Variants in WAPL observed in about 807,000 individuals in gnomAD.
WAPL encodes WAPL cohesin release factor.
In WAPL, 5 loss-of-function variants were observed where a neutral mutation model predicts 121.0. The ratio of observed to expected loss-of-function variants is 0.04; its 90% CI spans 0.02 to 0.09. WAPL has a LOEUF of 0.09. Among genes scored for constraint, WAPL ranks in the 10% least tolerant of loss-of-function variants. The pLI, the probability that WAPL is intolerant of heterozygous loss-of-function variation, is 1.00. For missense variants in WAPL, 999 were observed against 1,410.8 expected (o/e 0.71, Z 4.68); for synonymous variants, 480 against 481.5 (o/e 1.00, Z 0.04).
At chr10:86,499,459 T>C (rs560179718) in intron 3 of WAPL, among the ~76,000 whole-genome samples, 1 of 152,322 alleles carries the variant, frequency 6.6e-6, no homozygotes, top group East Asian at 1.9e-4. Context: ...GTATATACTA[T>C]GTTTTTTCGT....
chr10:86,507,486 C>T (rs965467101), intron 2 of WAPL, among the ~76,000 whole-genome samples: 2 of 151,352 alleles, frequency 1.3e-5, no homozygotes, highest in African/African-American at 4.9e-5. Context: ...ATTCACTGTT[C>T]ATGTATTTAA....
chr10:86,485,426 A>C (rs1222545006), intron 4 of WAPL, among the ~76,000 whole-genome samples: 7 of 152,036 alleles, frequency 4.6e-5, no homozygotes, highest in African/African-American at 1.7e-4. Flanking sequence ...AGTCCCAGCT[A>C]CTCAAGAGGC....
chr10:86,481,243 C>A (rs1841776415), intron 4 of WAPL, among the ~76,000 whole-genome samples: 1 of 152,020 alleles, frequency 6.6e-6, no homozygotes, highest in African/African-American at 2.4e-5. Context: ...TAAAACCAAT[C>A]TTTAGAATTA....
At chr10:86,505,154 T>C (rs1589536128) in intron 2 of WAPL, among the ~76,000 whole-genome samples, 1 of 148,346 alleles carries the variant, frequency 6.7e-6, no homozygotes, top group Non-Finnish European at 1.5e-5. Context: ...CTAAAAGCTG[T>C]AGAGTTTTTT....
chr10:86,486,825 G>A lies in WAPL; in HGVS notation c.1644+10376C>T, dbSNP rs149552589. On this transcript the variant is annotated intron_variant, in intron 4 of 18. Transcript: ENST00000298767. Reference sequence around the variant, plus strand: ...CAAAAAATTAGCTGGACGCAGTGGCGTGTGCCTATAGTCCCAGCTACCCTA... The same window carrying A: ...CAAAAAATTAGCTGGACGCAGTGGCATGTGCCTATAGTCCCAGCTACCCTA... 5.0e-3 allele frequency among the ~76,000 whole-genome samples: 756 copies of A among 152,126 alleles called. 7 individuals carry two copies. The highest frequency in any genetic ancestry group is 0.017 in the African/African-American group (695 of 41,516).
chr10:86,447,452 G>A (rs576160137), intron 15 of WAPL, among the ~76,000 whole-genome samples: 3 of 152,260 alleles, frequency 2.0e-5, no homozygotes, highest in African/African-American at 7.2e-5. Flanking sequence ...AACACAGCAA[G>A]GGCTTTGGAA....
At chr10:86,441,898 A>AGGC (rs968562572) in intron 17 of WAPL, among the ~76,000 whole-genome samples, 18 of 152,352 alleles carry the variant, frequency 1.2e-4, no homozygotes, top group African/African-American at 4.1e-4. Context: ...GACCTCAGTG[A>AGGC]GGCACTGACA....
intron 17 of WAPL, among the ~76,000 whole-genome samples, chr10:86,442,706 A>G (rs1278477557): frequency 2.0e-5 from 3 of 152,236 alleles, no homozygotes; most frequent in Admixed American, 6.5e-5. Flanking sequence ...AGACTGTACT[A>G]AAGTTTTTAC....
intron 2 of WAPL, among the ~76,000 whole-genome samples, chr10:86,515,352 G>A (rs1842535341): frequency 6.6e-6 from 1 of 151,902 alleles, no homozygotes; most frequent in Admixed American, 6.6e-5. Context: ...TGGTTTGACG[G>A]ACAGTAGGTG....
chr10:86,444,880 ATGT>A (rs1425483187), intron 16 of WAPL, among the ~76,000 whole-genome samples: 1 of 98,982 alleles, frequency 1.0e-5, no homozygotes, highest in Admixed American at 1.2e-4. Context: ...AAAACCAAAA[ATGT>A]TATTACGCCA....
chr10:86,494,903 G>GT (rs888425130), intron 4 of WAPL, among the ~76,000 whole-genome samples: 1 of 152,190 alleles, frequency 6.6e-6, no homozygotes, highest in Admixed American at 6.5e-5. Context: ...ACACAACTAC[G>GT]TATCACTGTG....
intron 2 of WAPL, among the ~76,000 whole-genome samples, chr10:86,516,447 A>C (rs575994415): frequency 6.6e-6 from 1 of 152,310 alleles, no homozygotes; most frequent in African/African-American, 2.4e-5. Flanking sequence ...CAGTACAGCC[A>C]AGTTTTGTCT....
At chr10:86,448,630 T>G (rs187198440) in intron 15 of WAPL, among the ~76,000 whole-genome samples, 307 of 152,268 alleles carry the variant, frequency 2.0e-3, no homozygotes, top group Non-Finnish European at 3.7e-3. Flanking sequence ...TTATTTACTT[T>G]TCGGACAGGG....
At chr10:86,467,023 A>G (rs1424576897) in intron 9 of WAPL, 1 of 373,376 alleles carries the variant, frequency 2.7e-6, no homozygotes, top group Non-Finnish European at 4.9e-6. Context: ...TAAAAAATAA[A>G]GAGAAAAGGA....
intron 3 of WAPL, among the ~76,000 whole-genome samples, chr10:86,497,672 T>A (rs1161386164): frequency 6.6e-6 from 1 of 152,206 alleles, no homozygotes; most frequent in East Asian, 1.9e-4. Context: ...AATGGTAAGG[T>A]TTATACACAC....
chr10:86,447,477 A>C (rs1355596606), intron 15 of WAPL, among the ~76,000 whole-genome samples: 2 of 152,216 alleles, frequency 1.3e-5, no homozygotes, highest in Non-Finnish European at 2.9e-5. Context: ...AAAAAGAATG[A>C]ACCACTACTG....
At chr10:86,480,581 T>C (rs1205089482) in intron 4 of WAPL, among the ~76,000 whole-genome samples, 1 of 152,200 alleles carries the variant, frequency 6.6e-6, no homozygotes, top group Non-Finnish European at 1.5e-5. Flanking sequence ...CAAGTTGTAT[T>C]AGAAAGATGA....
At chr10:86,481,603 C>A (rs1450596795) in intron 4 of WAPL, among the ~76,000 whole-genome samples, 2 of 152,050 alleles carry the variant, frequency 1.3e-5, no homozygotes, top group Admixed American at 6.6e-5. Context: ...GAACTCCTGA[C>A]CTTAGGTGAT....
At chr10:86,509,968 G>A (rs1207607789) in intron 2 of WAPL, among the ~76,000 whole-genome samples, 1 of 150,110 alleles carries the variant, frequency 6.7e-6, no homozygotes, top group East Asian at 2.0e-4. Flanking sequence ...GTTTTACCAT[G>A]TTGGCCAGGC....
Sources: allele counts gnomAD v4.1 joint callset (sites outside exome capture counted in the v4.1 genomes callset), GRCh38; gene constraint gnomAD v4.1.1; transcripts MANE v1.5; gene names NCBI Gene and HGNC (gene_info 2026-07-23, HGNC 2026-07-21).